The following PSD3 variants were observed in gnomAD, a reference collection of about 807,000 sequenced individuals.
PSD3 encodes the protein pleckstrin and Sec7 domain containing 3.
PSD3 carries 49 observed loss-of-function variants against 105.5 expected under a neutral mutation model. That is an observed-to-expected ratio of 0.46 (90% confidence interval 0.37 to 0.59). The LOEUF (loss-of-function observed/expected upper bound fraction) is 0.59. Among genes scored for constraint, PSD3 ranks in the 20% least tolerant of loss-of-function variants. The pLI, the probability that PSD3 is intolerant of heterozygous loss-of-function variation, is 0.00. For missense variants in PSD3, 1,561 were observed against 1,263.8 expected (o/e 1.24, Z -3.57); for synonymous variants, 557 against 457.8 (o/e 1.22, Z -2.77).
intron 1 of PSD3, among the ~76,000 whole-genome samples, chr8:18,981,240 T>C (rs1398860686): frequency 3.3e-5 from 5 of 152,126 alleles, no homozygotes; most frequent in Admixed American, 2.0e-4. Context: ...TGAAATATAG[T>C]GGTTTCAAGA....
intron 8 of PSD3, among the ~76,000 whole-genome samples, chr8:18,780,045 T>C (rs562712340): frequency 2.0e-5 from 3 of 152,334 alleles, no homozygotes; most frequent in Admixed American, 6.5e-5. Flanking sequence ...TCTGATTTTA[T>C]TGGACTCAGT....
At chr8:18,783,923 G>A (rs750119298) in intron 8 of PSD3, among the ~76,000 whole-genome samples, 6 of 152,216 alleles carry the variant, frequency 3.9e-5, no homozygotes, top group Non-Finnish European at 7.4e-5. Flanking sequence ...CACTGCAACC[G>A]GCCAACATAT....
upstream of PSD3, among the ~76,000 whole-genome samples, chr8:19,017,050 C>CTTTT (rs60211350): frequency 8.7e-6 from 1 of 115,598 alleles, no homozygotes; most frequent in African/African-American, 3.1e-5. Context: ...TGGCTACATA[C>CTTTT]TTTTTTTTTT....
At chr8:18,945,235 G>T (rs1822787396) in intron 1 of PSD3, among the ~76,000 whole-genome samples, 1 of 152,204 alleles carries the variant, frequency 6.6e-6, no homozygotes, top group Admixed American at 6.5e-5. Flanking sequence ...TCTGGGCATG[G>T]GAGGGCTATC....
intron 9 of PSD3, among the ~76,000 whole-genome samples, chr8:18,686,077 G>A (rs374247297): frequency 4.6e-5 from 7 of 152,110 alleles, no homozygotes; most frequent in Non-Finnish European, 1.0e-4. Flanking sequence ...CCATATGGTA[G>A]GATGTACAGA....
chr8:18,963,888 T>C (rs11780329), intron 1 of PSD3, among the ~76,000 whole-genome samples: 28,667 of 152,170 alleles, frequency 0.19, 3,098 homozygotes, highest in Non-Finnish European at 0.24. Context: ...ACATATTCTA[T>C]GCTTATCTTG....
chr8:18,935,312 A>C (rs1822035576), intron 2 of PSD3, among the ~76,000 whole-genome samples: 2 of 152,192 alleles, frequency 1.3e-5, no homozygotes, highest in South Asian at 4.1e-4. Context: ...AATAACCTCC[A>C]AAGTAAAGAC....
intron 9 of PSD3, among the ~76,000 whole-genome samples, chr8:18,755,089 T>G (rs1805906135): frequency 6.6e-6 from 1 of 152,074 alleles, no homozygotes; most frequent in East Asian, 1.9e-4. Flanking sequence ...CATGCTCATG[T>G]TAGTGAGAGG....
intron 2 of PSD3, among the ~76,000 whole-genome samples, chr8:18,878,551 C>G (rs1044771063): frequency 6.6e-6 from 1 of 152,190 alleles, no homozygotes; most frequent in African/African-American, 2.4e-5. Context: ...AGCATACATA[C>G]ATTCTGAATG....
At chr8:18,836,712 C>G (rs956198989) in intron 4 of PSD3, among the ~76,000 whole-genome samples, 2 of 152,058 alleles carry the variant, frequency 1.3e-5, no homozygotes, top group South Asian at 2.1e-4. Flanking sequence ...TTTAAATCAT[C>G]TCTAGATTAC....
chr8:19,084,484 G>A (rs1381370873), exon 1 of PSD3: 1 of 450,156 alleles, frequency 2.2e-6, no homozygotes, highest in Non-Finnish European at 4.5e-6. Context: ...GAAGTGACTG[G>A]CCAGTGCTTC....
chr8:18,671,304 T>G (rs986863581), intron 9 of PSD3, among the ~76,000 whole-genome samples: 1 of 152,200 alleles, frequency 6.6e-6, no homozygotes, highest in African/African-American at 2.4e-5. Context: ...AGATGCTCAC[T>G]TAAATTTGAA....
chr8:19,059,424 A>G (rs1329844946), intron 1 of PSD3, among the ~76,000 whole-genome samples: 1 of 152,244 alleles, frequency 6.6e-6, no homozygotes, highest in African/African-American at 2.4e-5. Context: ...AGGGTACACC[A>G]AGCTCTGAAA....
At chr8:18,751,275 G>A (rs1205404569) in intron 9 of PSD3, among the ~76,000 whole-genome samples, 1 of 152,216 alleles carries the variant, frequency 6.6e-6, no homozygotes, top group Non-Finnish European at 1.5e-5. Context: ...CTCCGCAGCC[G>A]CTGGCCCGGG....
intron 2 of PSD3, among the ~76,000 whole-genome samples, chr8:18,933,350 T>A (rs926723964): frequency 6.6e-6 from 1 of 151,582 alleles, no homozygotes; most frequent in Non-Finnish European, 1.5e-5. Flanking sequence ...TGGTATTATC[T>A]CTATATAGTT....
intron 7 of PSD3, 192 bp downstream of exon 7, chr8:18,801,078 C>A: frequency 2.4e-6 from 1 of 408,368 alleles, no homozygotes; most frequent in South Asian, 6.0e-5. Flanking sequence ...AATAAAAAGG[C>A]AGCTAAAAAC....
chr8:19,033,227 A>T (rs1827828470), intron 1 of PSD3, among the ~76,000 whole-genome samples: 2 of 150,842 alleles, frequency 1.3e-5, no homozygotes, highest in Admixed American at 1.3e-4. Context: ...ATAGAGAAAG[A>T]TACACAACCA....
At chr8:18,870,246 T>C (rs71510629) in intron 3 of PSD3, among the ~76,000 whole-genome samples, 2,794 of 152,146 alleles carry the variant, frequency 0.018, 58 homozygotes, top group Middle Eastern at 0.027. Context: ...CCGTATAAAC[T>C]ATAAAATGTG....
At chr8:18,578,137 G>GTT (rs34153272) in intron 12 of PSD3, among the ~76,000 whole-genome samples, 45 of 149,882 alleles carry the variant, frequency 3.0e-4, no homozygotes, top group South Asian at 2.3e-3. Flanking sequence ...TCTTTTTCTT[G>GTT]TTTTTTTCTC....
Sources: gnomAD v4.1 joint callset for allele counts (sites outside exome capture counted in the v4.1 genomes callset) on GRCh38, gnomAD v4.1.1 for gene constraint, MANE v1.5 for transcripts, NCBI Gene and HGNC (gene_info 2026-07-23, HGNC 2026-07-21) for gene names.